The following ZNF385D variants were observed in gnomAD, a reference collection of about 807,000 sequenced individuals.
ZNF385D encodes the protein zinc finger protein 659.
Under a neutral mutation model 35.8 loss-of-function variants are expected in ZNF385D, and 15 were observed. That is an observed-to-expected ratio of 0.42 (90% confidence interval 0.28 to 0.64). The LOEUF is 0.64. ZNF385D is among the 30% of genes least tolerant of loss of function. ZNF385D has a pLI of 0.23. For synonymous variants in ZNF385D, 212 were observed against 186.8 expected, an observed-to-expected ratio of 1.13 and a Z score of -1.10; for missense variants, 474 against 494.6, an observed-to-expected ratio of 0.96 and a Z score of 0.39.
chr3:21,424,218 G>C (rs1312437664), intron 6 of ZNF385D, among the ~76,000 whole-genome samples, 154 bp from the exon 7 acceptor site: 2 of 132,294 alleles, frequency 1.5e-5, no homozygotes, highest in African/African-American at 5.4e-5. Flanking sequence ...CTGAGATTCT[G>C]ATGCCTTGAG....
At chr3:22,352,486 C>T (rs146166583) in intron 2 of ZNF385D, among the ~76,000 whole-genome samples, 289 of 152,248 alleles carry the variant, frequency 1.9e-3, no homozygotes, top group African/African-American at 6.2e-3. Flanking sequence ...CCCAGATGGG[C>T]GATTTGTCTT....
chr3:21,959,015 T>TA (rs1390947562), intron 3 of ZNF385D: 1 of 152,186 alleles, frequency 6.6e-6, no homozygotes. Context: ...GATTGTAGCA[T>TA]AAAATACAGG....
At chr3:21,761,940 G>C (rs529691048) in intron 3 of ZNF385D, among the ~76,000 whole-genome samples, 2 of 132,698 alleles carry the variant, frequency 1.5e-5, no homozygotes, top group Non-Finnish European at 3.1e-5. Flanking sequence ...GTGCAGTGGC[G>C]CGATCTCGGC....
At chr3:22,179,848 T>C (rs1262461245) in intron 2 of ZNF385D, among the ~76,000 whole-genome samples, 5 of 152,054 alleles carry the variant, frequency 3.3e-5, no homozygotes, top group African/African-American at 4.8e-5. Flanking sequence ...AGATCCAAAA[T>C]TGACACCCTA....
chr3:21,816,871 G>A (rs1271161769), intron 3 of ZNF385D, among the ~76,000 whole-genome samples: 1 of 152,166 alleles, frequency 6.6e-6, no homozygotes, highest in Non-Finnish European at 1.5e-5. Context: ...AGCCTCCATT[G>A]CCAAGACAAT....
chr3:21,848,040 G>C lies in ZNF385D; in HGVS notation c.326-183012C>G, dbSNP rs944175318. Among the ~76,000 whole-genome samples the C allele has an allele frequency of 2.0e-5, 3 of 151,922 alleles. No individual in the cohort carries two copies. The South Asian group carries it at 6.2e-4, about 32-fold the overall frequency. On this transcript the variant is annotated intron_variant, in intron 3 of 5. Coordinates refer to the ZNF385D transcript ENST00000494108. The stretch of plus-strand genomic sequence containing the variant: ...CATTCTACTCCCTGCTTCTATAAGT[G>C]TGACTATTTAAATACCTTATATAAG...
chr3:21,590,829 T>C (rs1402623232), intron 2 of ZNF385D, among the ~76,000 whole-genome samples: 1 of 152,094 alleles, frequency 6.6e-6, no homozygotes, highest in Non-Finnish European at 1.5e-5. Context: ...AGAAAGTAAA[T>C]TAAAATATTA....
chr3:21,786,516 A>G (rs2071696567), intron 3 of ZNF385D, among the ~76,000 whole-genome samples: 1 of 152,140 alleles, frequency 6.6e-6, no homozygotes, highest in South Asian at 2.1e-4. Flanking sequence ...TTTTGTTCTC[A>G]TTTTCAGTGC....
In ZNF385D at chr3:21,442,468, T is replaced by A. The variant is rs1485333306; in HGVS notation, c.440-5265A>T. 3.9e-5 allele frequency among the ~76,000 whole-genome samples: 6 copies of A among 152,294 alleles called. No homozygotes were observed. The South Asian group carries it at 1.2e-3, about 32-fold the overall frequency. ...TCATAAATGTGCTGACATTCTGAAG[T>A]AGAAAAAGGTGCTTCTGACCAAAAA... On this transcript the variant is annotated intron_variant, in intron 4 of 7. Coordinates refer to ENST00000281523, the MANE Select transcript of ZNF385D (RefSeq NM_024697.3).
At chr3:21,615,024 G>T (rs969821368) in intron 2 of ZNF385D, among the ~76,000 whole-genome samples, 13 of 152,192 alleles carry the variant, frequency 8.5e-5, no homozygotes, top group Non-Finnish European at 1.9e-4. Flanking sequence ...GTGGAAAGTA[G>T]AAAACATTTT....
At chr3:22,153,589 G>T (rs777307893) in intron 3 of ZNF385D, among the ~76,000 whole-genome samples, 1 of 150,504 alleles carries the variant, frequency 6.6e-6, no homozygotes, top group Admixed American at 6.7e-5. Context: ...TCAGCCTCCT[G>T]AGTAGCTGGG....
intron 2 of ZNF385D, among the ~76,000 whole-genome samples, chr3:22,308,635 A>G (rs973228305): frequency 5.3e-5 from 8 of 152,076 alleles, no homozygotes; most frequent in Non-Finnish European, 1.2e-4. Flanking sequence ...GCGGCATGAA[A>G]AAAGAGTTAC....
rs376596399 is a variant in ZNF385D at position 21,607,817 on chromosome 3, T to C, written c.166-43133A>G. On this transcript the variant is annotated intron_variant, in intron 2 of 7. Transcript: ENST00000281523. ...GCAGAGATGAGAGACCACTGAATTA[T>C]GGAGAGAAGAGAGTAAGCCATGTCC... Among the ~76,000 whole-genome samples the C allele has an allele frequency of 5.9e-5, 9 of 152,206 alleles. No homozygotes were observed. In the East Asian group the frequency reaches 1.4e-3, roughly 23 times the overall value.
chr3:22,178,642 C>G (rs537783661), intron 2 of ZNF385D, among the ~76,000 whole-genome samples: 118 of 152,246 alleles, frequency 7.8e-4, no homozygotes, highest in African/African-American at 2.8e-3. Context: ...GTGTTTTAGA[C>G]ATGAAGTCCT....
chr3:22,269,658 G>A (rs368841186), intron 2 of ZNF385D, among the ~76,000 whole-genome samples: 1 of 151,966 alleles, frequency 6.6e-6, no homozygotes, highest in South Asian at 2.1e-4. Context: ...TAGGAAAAAG[G>A]ACTTTTCCAG....
At chr3:21,945,898 A>T (rs1162102104) in intron 3 of ZNF385D, among the ~76,000 whole-genome samples, 1 of 152,194 alleles carries the variant, frequency 6.6e-6, no homozygotes, top group Non-Finnish European at 1.5e-5. Flanking sequence ...CAGATTAATA[A>T]GTCTTACATT....
intron 3 of ZNF385D, among the ~76,000 whole-genome samples, chr3:22,147,506 G>A (rs1265850581): frequency 6.6e-6 from 1 of 152,108 alleles, no homozygotes; most frequent in Non-Finnish European, 1.5e-5. Context: ...GGAGTTCCTG[G>A]TAAAGATGGT....
chr3:21,907,998 T>C (rs1699767510), intron 3 of ZNF385D, among the ~76,000 whole-genome samples: 1 of 152,086 alleles, frequency 6.6e-6, no homozygotes, highest in Non-Finnish European at 1.5e-5. Context: ...GGCTGAAACA[T>C]TTAAAGAACT....
chr3:21,707,526 C>T (rs2067951289), intron 1 of ZNF385D, among the ~76,000 whole-genome samples: 1 of 152,116 alleles, frequency 6.6e-6, no homozygotes, highest in African/African-American at 2.4e-5. Flanking sequence ...TTGTTAGAAT[C>T]TTGAAAGGGA....
Sources: gnomAD v4.1 joint callset for allele counts (sites outside exome capture counted in the v4.1 genomes callset) on GRCh38, gnomAD v4.1.1 for gene constraint, MANE v1.5 for transcripts, NCBI Gene and HGNC (gene_info 2026-07-23, HGNC 2026-07-21) for gene names.